Variants in MYO18A observed in about 807,000 individuals in gnomAD.
MYO18A encodes the protein unconventional myosin-XVIIIa.
A neutral mutation model predicts 235.8 loss-of-function variants in MYO18A; 78 were observed. The observed-to-expected ratio is 0.33, with a 90% CI of 0.28 to 0.40. The LOEUF is 0.40. MYO18A is among the 10% of genes least tolerant of loss of function. The pLI, the probability that MYO18A is intolerant of heterozygous loss-of-function variation, is 1.00. For missense variants in MYO18A, 2,215 were observed against 2,699.3 expected (o/e 0.82, Z 3.98); for synonymous variants, 977 against 1,077.8 (o/e 0.91, Z 1.83).
chr17:29,177,545 G>A lies in MYO18A; in HGVS notation c.-82+2768C>T, dbSNP rs118119134. Among the ~76,000 whole-genome samples, 1,008 of 152,198 alleles carry A rather than the reference G, an allele frequency of 6.6e-3. 5 individuals carry two copies. Among genetic ancestry groups the A allele is most frequent in the Non-Finnish European group, 0.011 (727 of 67,988 alleles). ...CACCTCCCCAACTCCTCTAATTCAG[G>A]CCACCTTGGAAAATGCTAGGGGGAA... On this transcript the variant is annotated intron_variant, in intron 1 of 41. Transcript: ENST00000527372.
intron 32 of MYO18A, among the ~76,000 whole-genome samples, 155 bp downstream of exon 32, chr17:29,093,168 G>T (rs1350902153): frequency 6.6e-6 from 1 of 152,142 alleles, no homozygotes; most frequent in Non-Finnish European, 1.5e-5. Context: ...CCAATGTATG[G>T]TGATGCCCCC....
At chr17:29,127,175 C>T (rs1024679763) in intron 2 of MYO18A, among the ~76,000 whole-genome samples, 1 of 152,188 alleles carries the variant, frequency 6.6e-6, no homozygotes, top group African/African-American at 2.4e-5. Flanking sequence ...CCCAAAAGCC[C>T]CCCCAAACAA....
Position 29,099,615 on chromosome 17 carries a change from GAT to G in MYO18A, c.3636+17_3636+18del. 6.2e-7 allele frequency: 1 copy of G among 1,608,768 alleles called. No individual in the cohort carries two copies. On this transcript the variant is annotated intron_variant, in intron 22 of 41. Transcript: ENST00000527372. Reference sequence around the variant, plus strand: ...CCCATCTAGGTTGGGGAGGGGGAGGGATGTCTCTAGAGCAGCACCTTTCTCTT... The same window carrying G: ...CCCATCTAGGTTGGGGAGGGGGAGGGGTCTCTAGAGCAGCACCTTTCTCTT...
chr17:29,169,110 C>T (rs1272364211), intron 1 of MYO18A, among the ~76,000 whole-genome samples: 1 of 151,860 alleles, frequency 6.6e-6, no homozygotes, highest in Non-Finnish European at 1.5e-5. Flanking sequence ...GCAGAGGTGG[C>T]GTGATCTCGG....
In MYO18A at chr17:29,071,790, T is replaced by C. The variant is rs1049575536; in HGVS notation, c.*2980A>G. ...GCAAAACCCTGGAGGATGGATACTA[T>C]GATGTGTTCCTCTCTACCCACTCTA... On this transcript the variant is annotated 3_prime_UTR_variant, in exon 42 of 42. Coordinates refer to ENST00000527372, the MANE Select transcript of MYO18A (RefSeq NM_078471.4). The C allele has an allele frequency of 6.6e-6, 1 of 152,216 alleles. No homozygotes were observed. The highest frequency in any genetic ancestry group is 1.9e-4 in the East Asian group (1 of 5,200). 9.4% of individuals were successfully genotyped at this position (152,216 alleles called of 1,614,324 possible).
At chr17:29,172,848 G>A (rs1179299640) in intron 1 of MYO18A, among the ~76,000 whole-genome samples, 1 of 152,200 alleles carries the variant, frequency 6.6e-6, no homozygotes, top group Non-Finnish European at 1.5e-5. Flanking sequence ...TAGTGCCAAG[G>A]ATACTATGGA....
Position 29,118,244 on chromosome 17 carries a change from C to T in MYO18A, c.1894-55G>A. 6.4e-7 allele frequency: 1 copy of T among 1,571,736 alleles called. No homozygotes were observed. The highest frequency in any genetic ancestry group is 1.4e-5 in the African/African-American group (1 of 74,068). ...TCCCTCCCAGCACACCCCCATGAGGCTGGGCCCTCAGGGCAAGGCTTGGGT... is the reference window on the plus strand; with the variant it reads ...TCCCTCCCAGCACACCCCCATGAGGTTGGGCCCTCAGGGCAAGGCTTGGGT... On this transcript the variant is annotated intron_variant, in intron 9 of 41. Coordinates refer to ENST00000527372, the MANE Select transcript of MYO18A (RefSeq NM_078471.4). This position sits in a 1 kb window ranked among gnomAD's most constrained non-coding sequence, Gnocchi z 4.2.
In MYO18A at chr17:29,140,518, G is replaced by T; in HGVS notation, c.1000-18265C>A. The T allele has an allele frequency of 1.2e-6, 1 of 832,640 alleles. No homozygotes were observed. Among genetic ancestry groups the T allele is most frequent in the South Asian group, 1.8e-5 (1 of 54,430 alleles). 51.6% of individuals were successfully genotyped at this position (832,640 alleles called of 1,614,324 possible). A position where few individuals can be genotyped will look rare whatever the true frequency, so the allele number is the denominator to read the frequency against. Reference sequence around the variant, plus strand: ...TGGAGCCAGCAGCCCGGAGGACTTCGGGTATCAGGTATGCCAGGAGGGAGA... The same window carrying T: ...TGGAGCCAGCAGCCCGGAGGACTTCTGGTATCAGGTATGCCAGGAGGGAGA... On this transcript the variant is annotated intron_variant, in intron 2 of 41. Transcript: ENST00000527372. This position sits in a 1 kb window ranked among gnomAD's most constrained non-coding sequence, Gnocchi z 4.2.
Position 29,115,384 on chromosome 17 carries a change from T to G in MYO18A, c.2285A>C (p.Glu762Ala). The G allele has an allele frequency of 6.2e-7, 1 of 1,613,948 alleles. No individual in the cohort carries two copies. The highest frequency in any genetic ancestry group is 8.5e-7 in the Non-Finnish European group (1 of 1,179,860). Residue 762 changes from glutamate to alanine, a missense_variant, in exon 13 of 42, where the codon GAG becomes GCG. By Grantham distance (107) the Glu-to-Ala change is moderately radical. Transcript: ENST00000527372. ...CAGGGAGACGAGAAGGGTGAAGAGC[T>G]CGCTGTAGAGGCCGGCCGCCATGCC... The part of the protein sequence containing the change: ...LEGMAAGLYS[E>A]LFTLLVSLVN...
Position 29,118,421 on chromosome 17 carries a change from G to A in MYO18A, c.1849C>T (p.His617Tyr). 6.2e-7 allele frequency: 1 copy of A among 1,606,476 alleles called. No homozygotes were observed. ...GTLRTELHLN[H>Y]LAENNVFGIV... ...CCAAACACATTGTTCTCTGCCAAGT[G>A]GTTGAGGTGGAGCTCTGTCCTAGGG... Residue 617 changes from histidine to tyrosine, a missense_variant, in exon 9 of 42, where the codon CAC becomes TAC. Coordinates refer to ENST00000527372, the MANE Select transcript of MYO18A (RefSeq NM_078471.4). The surrounding 1 kb of genome is among the most constrained non-coding windows in gnomAD (Gnocchi z 4.2).
At chr17:29,098,773 C>T in intron 23 of MYO18A, 53 bp downstream of exon 23, 4 of 1,603,242 alleles carry the variant, frequency 2.5e-6, no homozygotes, top group Admixed American at 3.4e-5. Flanking sequence ...CCAAGATAAA[C>T]CAGCAAGGCT....
At position 29,140,194 on chromosome 17, in the gene MYO18A, AG is replaced by A; in HGVS notation, c.1000-17942del. Reference sequence around the variant, plus strand: ...TCCCTTCTTACCAAGAAGCTCGGAGAGGAGCCCCAAGGCTGCCCCACCCCTC... The same window carrying A: ...TCCCTTCTTACCAAGAAGCTCGGAGAGAGCCCCAAGGCTGCCCCACCCCTC... On this transcript the variant is annotated intron_variant, in intron 2 of 41. Transcript: ENST00000527372. The surrounding 1 kb of genome is among the most constrained non-coding windows in gnomAD (Gnocchi z 4.2). 2.5e-6 allele frequency: 1 copy of A among 399,966 alleles called. No homozygotes were observed. Among genetic ancestry groups the A allele is most frequent in the Non-Finnish European group, 4.0e-6 (1 of 251,218 alleles). 24.8% of individuals were successfully genotyped at this position (399,966 alleles called of 1,614,324 possible). A position where few individuals can be genotyped will look rare whatever the true frequency, so the allele number is the denominator to read the frequency against.
At position 29,096,919 on chromosome 17, in the gene MYO18A, G is replaced by T. The variant is rs1273708991; in HGVS notation, c.4231-4C>A. On this transcript the variant is annotated splice_region_variant and splice_polypyrimidine_tract_variant and intron_variant, in intron 27 of 41. Transcript: ENST00000527372. ...TATCTGCCTGCAGGTCCCCGAGCTA[G>T]GGGCCAAGATGGGGTGCATATACAG... The T allele has an allele frequency of 1.3e-6, 2 of 1,559,394 alleles. No homozygotes were observed. Among genetic ancestry groups the T allele is most frequent in the Admixed American group, 3.8e-5 (2 of 52,924 alleles).
In MYO18A at chr17:29,072,931, G is replaced by A. The variant is rs1174102714; in HGVS notation, c.*1839C>T. 1 of 152,182 alleles carries A rather than the reference G, an allele frequency of 6.6e-6. No individual in the cohort carries two copies. Among genetic ancestry groups the A allele is most frequent in the African/African-American group, 2.4e-5 (1 of 41,436 alleles). 9.4% of individuals were successfully genotyped at this position (152,182 alleles called of 1,614,324 possible). A position where few individuals can be genotyped will look rare whatever the true frequency, so the allele number is the denominator to read the frequency against. The stretch of plus-strand genomic sequence containing the variant: ...GGGCATGAAGACAGGGACCGAGCAG[G>A]GCAGAGACAGCACTCCCAACCTATT... On this transcript the variant is annotated 3_prime_UTR_variant, in exon 42 of 42. Coordinates refer to ENST00000527372, the MANE Select transcript of MYO18A (RefSeq NM_078471.4).
At chr17:29,136,783 T>A (rs2067613512) in intron 2 of MYO18A, among the ~76,000 whole-genome samples, 1 of 152,218 alleles carries the variant, frequency 6.6e-6, no homozygotes, top group South Asian at 2.1e-4. Flanking sequence ...TCAGCTTTGG[T>A]AGCCAAATCT....
In MYO18A at chr17:29,086,485, G is replaced by C. The variant is rs764906917; in HGVS notation, c.5805C>G (p.Ala1935=). The C allele has an allele frequency of 6.2e-7, 1 of 1,610,172 alleles. No homozygotes were observed. The highest frequency in any genetic ancestry group is 1.1e-5 in the South Asian group (1 of 90,144). The change falls in exon 39 of 42, where the codon GCC becomes GCG. Residue 1935 remains alanine, a synonymous_variant. Transcript: ENST00000527372. Reference sequence around the variant, plus strand: ...CATCACTCTCCATCTCATCCTCAATGGCAGCCTGCAGGTCCCCGATGCGCT... The same window carrying C: ...CATCACTCTCCATCTCATCCTCAATCGCAGCCTGCAGGTCCCCGATGCGCT... ...AFKRIGDLQA[A]IEDEMESDEN...
chr17:29,129,106 G>C (rs1235648115), intron 2 of MYO18A: 12 of 1,289,276 alleles, frequency 9.3e-6, no homozygotes, highest in Admixed American at 2.3e-5. Flanking sequence ...GTCAGACCAA[G>C]AGCCTACCCA....
Position 29,140,507 on chromosome 17 carries a change from C to T in MYO18A, c.1000-18254G>A, listed in dbSNP as rs989903157. ...CCAGCCCTAGTTGGAGCCAGCAGCC[C>T]GGAGGACTTCGGGTATCAGGTATGC... is the stretch of plus-strand genomic sequence containing the variant. On this transcript the variant is annotated intron_variant, in intron 2 of 41. Transcript: ENST00000527372. The surrounding 1 kb of genome is among the most constrained non-coding windows in gnomAD (Gnocchi z 4.2). The T allele has an allele frequency of 5.8e-5, 55 of 940,278 alleles. No individual in the cohort carries two copies. The highest frequency in any genetic ancestry group is 4.2e-4 in the Middle Eastern group (1 of 2,378). The allele number at this position is 940,278 out of a possible 1,614,324, so 58.2% of individuals were successfully genotyped here.
At chr17:29,092,648 C>A (rs2066425259) in intron 33 of MYO18A, among the ~76,000 whole-genome samples, 192 bp from the exon 34 acceptor site, 1 of 152,076 alleles carries the variant, frequency 6.6e-6, no homozygotes, top group Non-Finnish European at 1.5e-5. Flanking sequence ...GGCACCAGGC[C>A]CCATCCACAC....
Sources: gnomAD v4.1 joint callset for allele counts (sites outside exome capture counted in the v4.1 genomes callset) on GRCh38, gnomAD v4.1.1 for gene constraint, Gnocchi (gnomAD v3.1) non-coding constraint, MANE v1.5 for transcripts, NCBI Gene and HGNC (gene_info 2026-07-23, HGNC 2026-07-21) for gene names.